The following TKTL1 variants were observed in gnomAD, a reference collection of about 807,000 sequenced individuals.
TKTL1 encodes transketolase-like protein 1.
TKTL1 carries 1 observed loss-of-function variant against 39.3 expected under a neutral mutation model. The observed-to-expected ratio is 0.03, with a 90% CI of 0.01 to 0.12. TKTL1 has a LOEUF of 0.12. TKTL1 is among the 10% of genes least tolerant of loss of function. The probability of loss-of-function intolerance (pLI) is 1.00; values close to 1 mark genes in which losing one functional copy is unlikely to be tolerated. For missense variants in TKTL1, 575 were observed against 509.6 expected (o/e 1.13, Z -1.24); for synonymous variants, 262 against 193.8 (o/e 1.35, Z -2.92).
Position 154,312,790 on chromosome X carries a change from A to C in TKTL1, c.864+17A>C. ...GGTGACAAGGTAGGCAGAAAGGTGG[A>C]TAATTGAATAAATCAGATACGTCAA... is the stretch of plus-strand genomic sequence containing the variant. On this transcript the variant is annotated intron_variant, in intron 6 of 12. Transcript: ENST00000369915. 8.5e-7 allele frequency: 1 copy of C among 1,176,068 alleles called. No homozygotes were observed. Among genetic ancestry groups the C allele is most frequent in the Non-Finnish European group, 1.2e-6 (1 of 868,496 alleles).
In TKTL1 at chrX:154,311,212, A is replaced by G. The variant is rs782397523; in HGVS notation, c.644A>G (p.Lys215Arg). The change falls in exon 5 of 13, where the codon AAG (lysine) becomes AGG (arginine). Residue 215 changes from lysine (K) to arginine (R), a missense_variant. Physicochemically the swap from Lys to Arg is conservative, Grantham distance 26 (BLOSUM62 2). Transcript: ENST00000369915. ...VKHKPTAVVA[K>R]TFKGRGTPSI... Reference sequence around the variant, plus strand: ...CACAAGCCCACTGCTGTGGTGGCCAAGACCTTCAAGGGCCGGGGCACCCCA... The same window carrying G: ...CACAAGCCCACTGCTGTGGTGGCCAGGACCTTCAAGGGCCGGGGCACCCCA... 7.4e-6 allele frequency: 9 copies of G among 1,210,457 alleles called. No individual in the cohort carries two copies. In the African/African-American group the frequency reaches 1.4e-4, roughly 19 times the overall value.
At chrX:154,299,185 T>A (rs2067254325) in intron 1 of TKTL1, among the ~76,000 whole-genome samples, 2 of 98,277 alleles carry the variant, frequency 2.0e-5, no homozygotes, top group African/African-American at 7.5e-5. Context: ...GACGGAGTTT[T>A]GCTTTTGTTG....
chrX:154,297,116 C>T (rs1557164770), intron 1 of TKTL1, among the ~76,000 whole-genome samples: 1 of 111,877 alleles, frequency 8.9e-6, no homozygotes, highest in Admixed American at 9.5e-5. Flanking sequence ...CAGTGAGACC[C>T]TGTCTCTAAA....
At chrX:154,320,536 C>CA in intron 7 of TKTL1, 1 of 415,577 alleles carries the variant, frequency 2.4e-6, no homozygotes. Context: ...AAGAGAGTCT[C>CA]ATCTCTTGCT....
intron 2 of TKTL1, among the ~76,000 whole-genome samples, chrX:154,305,807 CT>C (rs2067310662): frequency 9.0e-6 from 1 of 111,194 alleles, no homozygotes; most frequent in Non-Finnish European, 1.9e-5. Flanking sequence ...CATCCCACCC[CT>C]GTCAGTTAGC....
chrX:154,323,769 C>A (rs73629181), intron 9 of TKTL1, among the ~76,000 whole-genome samples: 11,334 of 112,289 alleles, frequency 0.1, 1,433 homozygotes, highest in African/African-American at 0.35. Flanking sequence ...GGGTGGTAGG[C>A]TACCACTACA....
chrX:154,298,527 C>CT (rs1557165169), intron 1 of TKTL1, among the ~76,000 whole-genome samples: 1 of 111,999 alleles, frequency 8.9e-6, no homozygotes, highest in African/African-American at 3.2e-5. Context: ...GCCTGGGCAA[C>CT]ATGGGGAAAC....
chrX:154,298,490 T>A (rs2148797648), intron 1 of TKTL1, among the ~76,000 whole-genome samples: 1 of 112,183 alleles, frequency 8.9e-6, no homozygotes, highest in East Asian at 2.8e-4. Flanking sequence ...GGCAGCTGGA[T>A]CACTTGAGCT....
chrX:154,327,331 T>C (rs1463438551), intron 10 of TKTL1: 5 of 524,478 alleles, frequency 9.5e-6, no homozygotes, highest in Admixed American at 2.3e-5. Context: ...GTCCAATCTT[T>C]GCATGCCATA....
intron 3 of TKTL1, among the ~76,000 whole-genome samples, chrX:154,310,599 C>A (rs782011729): frequency 3.6e-5 from 4 of 112,478 alleles, no homozygotes; most frequent in Non-Finnish European, 7.5e-5. Context: ...CTAAAAGTTG[C>A]TTTACAGCTA....
At chrX:154,315,581 G>A (rs782110420) in intron 7 of TKTL1, among the ~76,000 whole-genome samples, 1 of 111,344 alleles carries the variant, frequency 9.0e-6, no homozygotes, top group African/African-American at 3.3e-5. Flanking sequence ...CAGGCCCAAG[G>A]CCACAGACAG....
At chrX:154,319,887 G>C (rs782644472) in intron 7 of TKTL1, among the ~76,000 whole-genome samples, 17 of 112,225 alleles carry the variant, frequency 1.5e-4, no homozygotes, top group Non-Finnish European at 2.3e-4. Flanking sequence ...AGAGAGGTTT[G>C]TATTCTAGTT....
chrX:154,327,990 G>A (rs1215018493), intron 12 of TKTL1, 32 bp downstream of exon 12: 1 of 1,206,044 alleles, frequency 8.3e-7, no homozygotes, highest in East Asian at 3.0e-5. Context: ...GCTTTGGAAG[G>A]TTTTGGTGTT....
intron 10 of TKTL1, among the ~76,000 whole-genome samples, chrX:154,326,171 T>C (rs1381222740): frequency 9.0e-6 from 1 of 111,592 alleles, no homozygotes; most frequent in Non-Finnish European, 1.9e-5. Flanking sequence ...AGTGTCTTAC[T>C]TAAGGGTTTA....
chrX:154,328,611 A>C (rs1240334555), intron 12 of TKTL1, among the ~76,000 whole-genome samples: 3 of 102,034 alleles, frequency 2.9e-5, no homozygotes, highest in Non-Finnish European at 6.0e-5. Context: ...CGACGAAAGC[A>C]GGTATAGCAG....
At chrX:154,308,280 C>G (rs1484206793) in intron 2 of TKTL1, among the ~76,000 whole-genome samples, 3 of 111,864 alleles carry the variant, frequency 2.7e-5, no homozygotes, top group African/African-American at 9.8e-5. Flanking sequence ...CATCCACGCA[C>G]AAGCACTCCG....
intron 1 of TKTL1, among the ~76,000 whole-genome samples, chrX:154,300,010 A>ATT (rs1169453325): frequency 0.013 from 1,158 of 86,635 alleles, 32 homozygotes; most frequent in African/African-American, 0.036. Context: ...TACTTTTAGT[A>ATT]TTTTTTTTTT....
chrX:154,302,135 C>T (rs2067278589), intron 1 of TKTL1, among the ~76,000 whole-genome samples: 1 of 110,706 alleles, frequency 9.0e-6, no homozygotes. Context: ...TTCTCAATCG[C>T]CCTGTGTTTC....
chrX:154,304,772 C>T (rs1354206394), intron 1 of TKTL1, among the ~76,000 whole-genome samples: 1 of 109,803 alleles, frequency 9.1e-6, no homozygotes, highest in East Asian at 2.9e-4. Context: ...TGTCTTGTCC[C>T]CTCCCCCTTT....
Sources: gnomAD v4.1 joint callset for allele counts (sites outside exome capture counted in the v4.1 genomes callset) on GRCh38, gnomAD v4.1.1 for gene constraint, MANE v1.5 for transcripts, NCBI Gene and HGNC (gene_info 2026-07-23, HGNC 2026-07-21) for gene names.